The following ADAMTS18 variants were observed in gnomAD, a reference collection of about 807,000 sequenced individuals.
ADAMTS18 encodes ADAM metallopeptidase with thrombospondin type 1 motif 18, also known as A disintegrin and metalloproteinase with thrombospondin motifs 18.
Under a neutral mutation model 165.9 loss-of-function variants are expected in ADAMTS18, and 157 were observed. The ratio of observed to expected loss-of-function variants is 0.95; its 90% CI spans 0.83 to 1.08. The LOEUF (loss-of-function observed/expected upper bound fraction) is 1.08, where lower values mean the gene tolerates loss of function less well. ADAMTS18 is among the 50% of genes least tolerant of loss of function. The pLI, the probability that ADAMTS18 is intolerant of heterozygous loss-of-function variation, is 0.00. For missense variants in ADAMTS18, 2,040 were observed against 1,534.0 expected (o/e 1.33, Z -5.51); for synonymous variants, 782 against 578.2 (o/e 1.35, Z -5.06).
intron 8 of ADAMTS18, among the ~76,000 whole-genome samples, chr16:77,356,348 T>G (rs2144719731): frequency 6.6e-6 from 1 of 152,342 alleles, no homozygotes; most frequent in Non-Finnish European, 1.5e-5. Context: ...TGGAAAATTT[T>G]GCTCAAGTTA....
At chr16:77,345,251 C>A (rs975392778) in intron 10 of ADAMTS18, among the ~76,000 whole-genome samples, 1 of 152,140 alleles carries the variant, frequency 6.6e-6, no homozygotes, top group African/African-American at 2.4e-5. Flanking sequence ...AAACTGAACA[C>A]ATCCAAAATA....
chr16:77,356,831 A>C (rs2056638081), intron 8 of ADAMTS18, among the ~76,000 whole-genome samples: 1 of 152,158 alleles, frequency 6.6e-6, no homozygotes, highest in Non-Finnish European at 1.5e-5. Context: ...TCCTGACAGG[A>C]AGAATAAATG....
At chr16:77,411,841 C>G (rs1033950813) in intron 3 of ADAMTS18, among the ~76,000 whole-genome samples, 1 of 151,772 alleles carries the variant, frequency 6.6e-6, no homozygotes, top group Admixed American at 6.6e-5. Flanking sequence ...TGCCCACCAC[C>G]AAGCCCAGCT....
At chr16:77,339,674 G>C (rs1469847853) in intron 11 of ADAMTS18, among the ~76,000 whole-genome samples, 1 of 151,026 alleles carries the variant, frequency 6.6e-6, no homozygotes, top group East Asian at 1.9e-4. Context: ...AAGGACTTGA[G>C]CACTATTTAT....
At chr16:77,371,315 G>A (rs761595895) in intron 3 of ADAMTS18, among the ~76,000 whole-genome samples, 5 of 152,084 alleles carry the variant, frequency 3.3e-5, no homozygotes, top group Non-Finnish European at 5.9e-5. Flanking sequence ...AAAAGACCCT[G>A]AAGAGCAAAT....
At chr16:77,379,456 G>A (rs55700236) in intron 3 of ADAMTS18, among the ~76,000 whole-genome samples, 5 of 151,906 alleles carry the variant, frequency 3.3e-5, no homozygotes, top group African/African-American at 9.7e-5. Context: ...TGGACTAGAG[G>A]TGTCACCTTA....
rs981963321 is a variant in ADAMTS18, at chr16:77,293,178, G to C, written c.3087C>G (p.Ser1029Arg). 5.0e-6 allele frequency: 8 copies of C among 1,613,844 alleles called. No homozygotes were observed. The highest frequency in any genetic ancestry group is 6.8e-6 in the Non-Finnish European group (8 of 1,179,984). ...CAGGTCTGGGGAGACTGGTACACTG[G>C]CTCTCGGGGAGGGTTTCTGCGGCAG... ...KGSAAETLPE[S>R]QCTSLPRPEL... Residue 1029 changes from serine (S) to arginine (R), a missense_variant, in exon 20 of 23, where the codon AGC becomes AGG. Transcript: ENST00000282849.
chr16:77,409,016 T>TAA (rs34867735), intron 3 of ADAMTS18, among the ~76,000 whole-genome samples: 82,849 of 151,544 alleles, frequency 0.55, 23,495 homozygotes, highest in Non-Finnish European at 0.64. Flanking sequence ...GCCTAATTTA[T>TAA]GTTAAACTTT....
intron 16 of ADAMTS18, among the ~76,000 whole-genome samples, chr16:77,319,236 A>G (rs2055943248): frequency 6.6e-6 from 1 of 152,168 alleles, no homozygotes; most frequent in Non-Finnish European, 1.5e-5. Flanking sequence ...AATGGCAGAC[A>G]TAGACAAACC....
intron 16 of ADAMTS18, among the ~76,000 whole-genome samples, chr16:77,305,771 C>T (rs2055670376): frequency 6.6e-6 from 1 of 152,156 alleles, no homozygotes; most frequent in South Asian, 2.1e-4. Context: ...CCACAGACAG[C>T]CTCTCCCACT....
rs531741438 is a variant in ADAMTS18 at position 77,360,280 on chromosome 16, C to A, written c.1217-857G>T. On this transcript the variant is annotated intron_variant, in intron 7 of 22. Coordinates refer to ENST00000282849, the MANE Select transcript of ADAMTS18 (RefSeq NM_199355.4). ...AAATAAATGGTTGCAAATTCACACA[C>A]TGTGCTATATGTCTATTATATATCT... Among the ~76,000 whole-genome samples, 102 of 152,340 alleles carry A rather than the reference C, an allele frequency of 6.7e-4. 3 individuals carry two copies. The South Asian group carries it at 0.021, about 31-fold the overall frequency.
At chr16:77,294,860 G>A in intron 19 of ADAMTS18, 63 bp downstream of exon 19, 5 of 1,510,954 alleles carry the variant, frequency 3.3e-6, no homozygotes. Context: ...GGAGAGCAAA[G>A]ACACCTCTAC....
intron 22 of ADAMTS18, among the ~76,000 whole-genome samples, chr16:77,285,318 A>G (rs1053556034): frequency 1.3e-5 from 2 of 152,052 alleles, no homozygotes; most frequent in African/African-American, 2.4e-5. Flanking sequence ...GATTACAGGC[A>G]CCCACCACCA....
At position 77,364,196 on chromosome 16, in the gene ADAMTS18, T is replaced by A; in HGVS notation, c.964A>T (p.Met322Leu). 6.2e-7 allele frequency: 1 copy of A among 1,614,154 alleles called. No individual in the cohort carries two copies. The highest frequency in any genetic ancestry group is 8.5e-7 in the Non-Finnish European group (1 of 1,180,022). ...GTGACACCCCCGCTTACCATGTTCA[T>A]TACTGTGAGAATGTATGTGGTGACA... ...GNVTTYILTV[M>L]NMVSGLFKDG... The change falls in exon 5 of 23, where the codon ATG (methionine) becomes TTG (leucine). Residue 322 changes from methionine to leucine, a missense_variant. By Grantham distance (15) the Met-to-Leu change is conservative. Coordinates refer to ENST00000282849, the MANE Select transcript of ADAMTS18 (RefSeq NM_199355.4).
At chr16:77,389,335 G>A (rs768562233) in intron 3 of ADAMTS18, among the ~76,000 whole-genome samples, 2 of 152,130 alleles carry the variant, frequency 1.3e-5, no homozygotes, top group African/African-American at 4.8e-5. Context: ...ATCTTTACAT[G>A]ATCTAATTCC....
At chr16:77,295,189 G>C in intron 18 of ADAMTS18, 62 bp from the exon 19 acceptor site, 1 of 1,576,196 alleles carries the variant, frequency 6.3e-7, no homozygotes, top group Non-Finnish European at 8.7e-7. Flanking sequence ...TTCCAAAGCA[G>C]TTACTGTGAA....
chr16:77,331,196 C>T (rs1001891043), intron 12 of ADAMTS18, among the ~76,000 whole-genome samples: 1 of 152,140 alleles, frequency 6.6e-6, no homozygotes, highest in African/African-American at 2.4e-5. Flanking sequence ...ATAATGAGAG[C>T]TCTCAATCCT....
intron 3 of ADAMTS18, among the ~76,000 whole-genome samples, chr16:77,409,325 T>C (rs984070664): frequency 6.6e-6 from 1 of 152,184 alleles, no homozygotes; most frequent in African/African-American, 2.4e-5. Flanking sequence ...TCAAAACCTT[T>C]AGACTAAAGC....
At chr16:77,364,797 G>A (rs56272645) in intron 4 of ADAMTS18, among the ~76,000 whole-genome samples, 51,373 of 148,390 alleles carry the variant, frequency 0.35, 9,940 homozygotes, top group East Asian at 0.58. Flanking sequence ...CAAAGCAAAG[G>A]AAAGAAAAGA....
Sources: allele counts gnomAD v4.1 joint callset (sites outside exome capture counted in the v4.1 genomes callset), GRCh38; gene constraint gnomAD v4.1.1; transcripts MANE v1.5; gene names NCBI Gene and HGNC (gene_info 2026-07-23, HGNC 2026-07-21).